TBC1D9: variants seen among roughly 807,000 people sequenced by gnomAD.
The protein encoded by TBC1D9 is TBC1 domain family member 9.
TBC1D9 carries 63 observed loss-of-function variants against 132.0 expected under a neutral mutation model. The observed-to-expected ratio is 0.48, with a 90% confidence interval of 0.39 to 0.59. The LOEUF is 0.59. TBC1D9 is among the 20% of genes least tolerant of loss of function. The pLI, the probability that TBC1D9 is intolerant of heterozygous loss-of-function variation, is 0.00. For synonymous variants in TBC1D9, 610 were observed against 609.9 expected, an observed-to-expected ratio of 1.00 and a Z score of 0.00; for missense variants, 1,261 against 1,592.7, an observed-to-expected ratio of 0.79 and a Z score of 3.54.
chr4:140,676,808 A>G (rs1409780955), intron 6 of TBC1D9, 86 bp downstream of exon 6: 11 of 1,524,390 alleles, frequency 7.2e-6, no homozygotes, highest in Non-Finnish European at 9.7e-6. Context: ...TTCAAAAGCC[A>G]ATTGTTGGTA....
chr4:140,687,879 AG>A (rs1455615490), intron 2 of TBC1D9, among the ~76,000 whole-genome samples: 1 of 152,136 alleles, frequency 6.6e-6, no homozygotes, highest in Non-Finnish European at 1.5e-5. Flanking sequence ...AGAGCCCAGG[AG>A]TTCAAGACCA....
chr4:140,642,825 C>T (rs1321141429), intron 13 of TBC1D9: 1 of 600,304 alleles, frequency 1.7e-6, no homozygotes. Context: ...CTCTTGCGGG[C>T]GGGCGACAGG....
At chr4:140,735,595 C>G (rs936048643) in intron 1 of TBC1D9, among the ~76,000 whole-genome samples, 1 of 152,104 alleles carries the variant, frequency 6.6e-6, no homozygotes, top group Non-Finnish European at 1.5e-5. Flanking sequence ...GTCTGTACTC[C>G]CAGCTACCTG....
Position 140,662,058 on chromosome 4 carries a change from C to T in TBC1D9, c.1638G>A (p.Val546=). Residue 546 remains valine, a synonymous_variant, in exon 10 of 21, where the codon GTG becomes GTA. Transcript: ENST00000442267. ...GATTATACTTCCCCATGGACTTCTC[C>T]ACTAGGTCTTCATAGTACCCAGGAT... ...ATHPGYYEDL[V]EKSMGKYNLA... The T allele has an allele frequency of 6.2e-7, 1 of 1,613,942 alleles. No individual in the cohort carries two copies. Among genetic ancestry groups the T allele is most frequent in the Non-Finnish European group, 8.5e-7 (1 of 1,179,876 alleles).
chr4:140,710,917 A>G (rs914450221), intron 1 of TBC1D9, among the ~76,000 whole-genome samples: 5 of 152,228 alleles, frequency 3.3e-5, no homozygotes, highest in African/African-American at 1.2e-4. Flanking sequence ...AGCCAAGCCC[A>G]GCGCTTTTCT....
intron 1 of TBC1D9, among the ~76,000 whole-genome samples, chr4:140,736,167 G>A (rs1394071374): frequency 6.6e-6 from 1 of 151,964 alleles, no homozygotes; most frequent in African/African-American, 2.4e-5. Flanking sequence ...TTATTAGGGA[G>A]AGAGTGAGGG....
chr4:140,641,900 C>T lies in TBC1D9; in HGVS notation c.2338-2472G>A, dbSNP rs1489303705. 1.3e-5 allele frequency: 5 copies of T among 398,334 alleles called. No individual in the cohort carries two copies. In the East Asian group the frequency reaches 2.1e-4, roughly 17 times the overall value. The allele number at this position is 398,334 out of a possible 1,614,324, so 24.7% of individuals were successfully genotyped here. The stretch of plus-strand genomic sequence containing the variant: ...CCCACTCGCTTCCTTCTCGCTCACT[C>T]GCAGGCACTCTCTCGCTAGGAAACA... On this transcript the variant is annotated intron_variant, in intron 13 of 20. Transcript: ENST00000442267.
Position 140,621,957 on chromosome 4 carries a change from G to A in TBC1D9, c.*238C>T, listed in dbSNP as rs954242534. 16 of 453,184 alleles carry A rather than the reference G, an allele frequency of 3.5e-5. No homozygotes were observed. The East Asian group carries it at 3.7e-4, about 10-fold the overall frequency. The allele number at this position is 453,184 out of a possible 1,614,324, so 28.1% of individuals were successfully genotyped here. A position where few individuals can be genotyped will look rare whatever the true frequency, so the allele number is the denominator to read the frequency against. On this transcript the variant is annotated 3_prime_UTR_variant, in exon 21 of 21. Transcript: ENST00000442267. ...CATCTTTTTGTTTTTTAGAATTCACGAAATAAACTGTATTCTGGTAAATCC... is the reference window on the plus strand; with the variant it reads ...CATCTTTTTGTTTTTTAGAATTCACAAAATAAACTGTATTCTGGTAAATCC...
At chr4:140,686,571 C>A in intron 2 of TBC1D9, 109 bp from the exon 3 acceptor site, 1 of 673,554 alleles carries the variant, frequency 1.5e-6, no homozygotes, top group Admixed American at 2.9e-5. Flanking sequence ...ACTATCGGAC[C>A]AAGAGCTTTG....
chr4:140,664,600 A>G (rs1737414524), intron 9 of TBC1D9, among the ~76,000 whole-genome samples: 1 of 152,232 alleles, frequency 6.6e-6, no homozygotes, highest in Non-Finnish European at 1.5e-5. Context: ...AAGACAGTGT[A>G]GTACTGGCAT....
At chr4:140,744,551 A>C (rs1217555398) in intron 1 of TBC1D9, among the ~76,000 whole-genome samples, 2 of 152,132 alleles carry the variant, frequency 1.3e-5, no homozygotes, top group Non-Finnish European at 2.9e-5. Flanking sequence ...CTTGCCATCT[A>C]TTCCCACTAA....
At chr4:140,689,047 C>T (rs1737832467) in intron 2 of TBC1D9, among the ~76,000 whole-genome samples, 2 of 152,060 alleles carry the variant, frequency 1.3e-5, no homozygotes, top group Admixed American at 1.3e-4. Context: ...TTGGCACTGT[C>T]AGATGGACTG....
At chr4:140,630,765 C>T (rs1324998881) in intron 16 of TBC1D9, among the ~76,000 whole-genome samples, 1 of 152,186 alleles carries the variant, frequency 6.6e-6, no homozygotes, top group African/African-American at 2.4e-5. Flanking sequence ...TGGCCCCACC[C>T]ATTCAGTAAG....
At chr4:140,649,126 G>T (rs1338378678) in intron 13 of TBC1D9, among the ~76,000 whole-genome samples, 1 of 152,206 alleles carries the variant, frequency 6.6e-6, no homozygotes, top group African/African-American at 2.4e-5. Flanking sequence ...CCTCCAAAGA[G>T]AACTTGAAAT....
rs187172306 is a variant in TBC1D9 at position 140,621,989 on chromosome 4, C to G, written c.*206G>C. On this transcript the variant is annotated 3_prime_UTR_variant, in exon 21 of 21. Transcript: ENST00000442267. ...ACTGTATTCTGGTAAATCCCCTCCC[C>G]GCAACAAGAGTGTAATGTACCTACA... 11 of 622,278 alleles carry G rather than the reference C, an allele frequency of 1.8e-5. No homozygotes were observed. Among genetic ancestry groups the G allele is most frequent in the Middle Eastern group, 4.7e-4 (1 of 2,132 alleles). The allele number at this position is 622,278 out of a possible 1,614,324, so 38.5% of individuals were successfully genotyped here.
chr4:140,639,254 G>C, intron 14 of TBC1D9, 76 bp downstream of exon 14: 1 of 1,476,988 alleles, frequency 6.8e-7, no homozygotes. Context: ...AGTTCTGTCA[G>C]GCAGGAATCC....
chr4:140,728,300 C>T (rs998178581), intron 1 of TBC1D9, among the ~76,000 whole-genome samples: 1 of 151,630 alleles, frequency 6.6e-6, no homozygotes, highest in African/African-American at 2.4e-5. Context: ...CTGCACCAGT[C>T]AGGAATGTTG....
intron 7 of TBC1D9, among the ~76,000 whole-genome samples, chr4:140,670,009 T>C (rs886835065): frequency 6.6e-6 from 1 of 152,230 alleles, no homozygotes; most frequent in Non-Finnish European, 1.5e-5. Flanking sequence ...AGCACTTCAA[T>C]GCTCACAATA....
intron 2 of TBC1D9, among the ~76,000 whole-genome samples, chr4:140,690,215 A>G (rs1391840643): frequency 6.6e-6 from 1 of 151,738 alleles, no homozygotes. Flanking sequence ...TGTCTTTCCC[A>G]CCCCATCTTC....
Sources: allele counts gnomAD v4.1 joint callset (sites outside exome capture counted in the v4.1 genomes callset), GRCh38; gene constraint gnomAD v4.1.1; transcripts MANE v1.5; gene names NCBI Gene and HGNC (gene_info 2026-07-23, HGNC 2026-07-21).